The following SNED1 variants were observed in gnomAD, a reference collection of about 807,000 sequenced individuals.
SNED1 encodes the protein sushi, nidogen and EGF-like domain-containing protein 1.
SNED1 carries 81 observed loss-of-function variants against 166.7 expected under a neutral mutation model. The ratio of observed to expected loss-of-function variants is 0.49; its 90% CI spans 0.41 to 0.58. SNED1 has a LOEUF of 0.58. Among genes scored for constraint, SNED1 ranks in the 20% least tolerant of loss-of-function variants. The pLI, the probability that SNED1 is intolerant of heterozygous loss-of-function variation, is 0.00. For missense variants in SNED1, 1,604 were observed against 2,000.2 expected, an observed-to-expected ratio of 0.80 and a Z score of 3.78; for synonymous variants, 762 against 822.0, an observed-to-expected ratio of 0.93 and a Z score of 1.25.
intron 8 of SNED1, among the ~76,000 whole-genome samples, chr2:241,043,709 A>G (rs999215199): frequency 4.6e-5 from 7 of 152,268 alleles, no homozygotes; most frequent in African/African-American, 1.7e-4. Context: ...CAAGCTGTGC[A>G]AACTTTTTCT....
At position 241,067,896 on chromosome 2, in the gene SNED1, T is replaced by G. The variant is rs2062529365; in HGVS notation, c.3143T>G (p.Leu1048Arg). Reference sequence around the variant, plus strand: ...GTGTCCATCCGCCACCCTGAGGCCCTCAGGGACCAGGCCACCGATGTGGAC... The same window carrying G: ...GTGTCCATCCGCCACCCTGAGGCCCGCAGGGACCAGGCCACCGATGTGGAC... ...VRVSIRHPEA[L>R]RDQATDVDRS... Residue 1048 changes from leucine (L) to arginine (R), a missense_variant, in exon 22 of 32, where the codon CTC becomes CGC. Physicochemically the swap from Leu to Arg is moderately radical, Grantham distance 102 (BLOSUM62 -2). Coordinates refer to ENST00000310397, the MANE Select transcript of SNED1 (RefSeq NM_001080437.3). 1 of 1,613,384 alleles carries G rather than the reference T, an allele frequency of 6.2e-7. No individual in the cohort carries two copies. The highest frequency in any genetic ancestry group is 2.2e-5 in the East Asian group (1 of 44,862).
At position 241,073,482 on chromosome 2, in the gene SNED1, G is replaced by C; in HGVS notation, c.3916+118G>C. 5.9e-6 allele frequency: 5 copies of C among 841,448 alleles called. No individual in the cohort carries two copies. Among genetic ancestry groups the C allele is most frequent in the Non-Finnish European group, 9.9e-6 (5 of 505,182 alleles). 52.1% of individuals were successfully genotyped at this position (841,448 alleles called of 1,614,324 possible). A position where few individuals can be genotyped will look rare whatever the true frequency, so the allele number is the denominator to read the frequency against. ...GAATCAGGAGGCACAGAGCCTACCTGAGGGGAGGCTGAGCACCAGGCACCC... is the reference window on the plus strand; with the variant it reads ...GAATCAGGAGGCACAGAGCCTACCTCAGGGGAGGCTGAGCACCAGGCACCC... On this transcript the variant is annotated intron_variant, in intron 27 of 31. Transcript: ENST00000310397. This position sits in a 1 kb window ranked among gnomAD's most constrained non-coding sequence, Gnocchi z 6.6.
intron 16 of SNED1, among the ~76,000 whole-genome samples, chr2:241,054,441 T>G (rs2061983230): frequency 6.6e-6 from 1 of 152,180 alleles, no homozygotes; most frequent in African/African-American, 2.4e-5. Flanking sequence ...TGGTGGCACA[T>G]GCCTGTAGTC....
At chr2:241,049,954 C>A in intron 12 of SNED1, 21 bp downstream of exon 12, 4 of 1,588,318 alleles carry the variant, frequency 2.5e-6, no homozygotes, top group Non-Finnish European at 3.5e-6. Context: ...CAGGGGCGTC[C>A]GGGCCGGCGT....
chr2:241,001,048 C>G (rs575026890), intron 1 of SNED1, among the ~76,000 whole-genome samples: 1 of 152,202 alleles, frequency 6.6e-6, no homozygotes, highest in Non-Finnish European at 1.5e-5. Context: ...CCACCCAGGC[C>G]GAGCGGACCC....
chr2:241,073,407 G>A lies in SNED1; in HGVS notation c.3916+43G>A, dbSNP rs1485604329. Reference sequence around the variant, plus strand: ...GTGGGGACTTTGGGACTGACTGACTGCTCTCAGGGGCCTTAGAGGCTGCAG... The same window carrying A: ...GTGGGGACTTTGGGACTGACTGACTACTCTCAGGGGCCTTAGAGGCTGCAG... On this transcript the variant is annotated intron_variant, in intron 27 of 31. Transcript: ENST00000310397. This position sits in a 1 kb window ranked among gnomAD's most constrained non-coding sequence, Gnocchi z 6.6. 2.0e-6 allele frequency: 3 copies of A among 1,471,760 alleles called. No individual in the cohort carries two copies. The highest frequency in any genetic ancestry group is 2.0e-5 in the Admixed American group (1 of 50,904). 91.2% of individuals were successfully genotyped at this position (1,471,760 alleles called of 1,614,324 possible).
intron 16 of SNED1, among the ~76,000 whole-genome samples, chr2:241,053,848 C>G (rs557396948): frequency 6.6e-6 from 1 of 152,302 alleles, no homozygotes; most frequent in African/African-American, 2.4e-5. Flanking sequence ...GACCGAAGCC[C>G]CTGGAGAAGT....
At chr2:241,086,682 A>T (rs2063595423) in intron 29 of SNED1, among the ~76,000 whole-genome samples, 1 of 152,238 alleles carries the variant, frequency 6.6e-6, no homozygotes. Context: ...GTCTTACCAC[A>T]GGTTTTCGAT....
At position 241,071,712 on chromosome 2, in the gene SNED1, GCC is replaced by G; in HGVS notation, c.3731_3732del (p.Pro1244GlnfsTer54). ...DHSAPETPTQ[P>X]PRFSELVDGR... ...ACAGCGCCCCCGAGACCCCCACCCA[GCC>G]CCCCAGGTACATGCCCCACCCATCG... On this transcript the variant is annotated frameshift_variant, in exon 25 of 32. Coordinates refer to ENST00000310397, the MANE Select transcript of SNED1 (RefSeq NM_001080437.3). LOFTEE classifies it high-confidence loss of function. The G allele has an allele frequency of 1.1e-6, 1 of 903,718 alleles. No homozygotes were observed. Among genetic ancestry groups the G allele is most frequent in the Non-Finnish European group, 1.6e-6 (1 of 637,148 alleles). The allele number at this position is 903,718 out of a possible 1,614,324, so 56.0% of individuals were successfully genotyped here. A position where few individuals can be genotyped will look rare whatever the true frequency, so the allele number is the denominator to read the frequency against.
Position 241,071,881 on chromosome 2 carries a change from G to A in SNED1, c.3817+3G>A, listed in dbSNP as rs763942089. ...CAAAGCAGCCACCGTGAGATCACGT[G>A]AGTGCCAGGGCCTCCCCACCCACCT... is the stretch of plus-strand genomic sequence containing the variant. On this transcript the variant is annotated splice_donor_region_variant and intron_variant, in intron 26 of 31. Coordinates refer to ENST00000310397, the MANE Select transcript of SNED1 (RefSeq NM_001080437.3). The A allele has an allele frequency of 1.4e-5, 23 of 1,596,100 alleles. No homozygotes were observed. The South Asian group carries it at 2.2e-4, about 15-fold the overall frequency.
At chr2:241,033,222 T>G (rs2061241973) in intron 2 of SNED1, among the ~76,000 whole-genome samples, 1 of 152,226 alleles carries the variant, frequency 6.6e-6, no homozygotes, top group Non-Finnish European at 1.5e-5. Flanking sequence ...CCAAGATCAT[T>G]TCTTAAACAG....
intron 16 of SNED1, among the ~76,000 whole-genome samples, chr2:241,061,789 G>A (rs1389187413): frequency 6.6e-6 from 1 of 151,216 alleles, no homozygotes; most frequent in Non-Finnish European, 1.5e-5. Flanking sequence ...GGAGGCGGAG[G>A]TTGTGGTGAG....
At chr2:241,030,601 T>C (rs1574927271) in intron 2 of SNED1, 30 bp downstream of exon 2, 1 of 1,606,054 alleles carries the variant, frequency 6.2e-7, no homozygotes. Flanking sequence ...CTGGGGAGGG[T>C]GGGTGTGTGG....
At chr2:241,015,591 T>G (rs2060553282) in intron 1 of SNED1, 1 of 153,604 alleles carries the variant, frequency 6.5e-6, no homozygotes, top group Non-Finnish European at 1.4e-5. Flanking sequence ...TGACACATTT[T>G]TGTGTCTTCC....
chr2:241,064,040 C>A lies in SNED1; in HGVS notation c.2514C>A (p.Cys838Ter). Reference protein sequence around the residue: ...TEVDACDSSPCQHGGRCESGG... With the variant: ...TEVDACDSSP ...TGGACGCCTGCGACTCCAGCCCCTG[C>A]CAGCATGGAGGCCGGTGTGAGAGCG... The change falls in exon 19 of 32, where the codon TGC (cysteine) becomes TGA (stop). Residue 838 changes from cysteine (C) to a stop codon, truncating the protein, a stop_gained. Transcript: ENST00000310397. LOFTEE classifies it high-confidence loss of function. This position sits in a 1 kb window ranked among gnomAD's most constrained non-coding sequence, Gnocchi z 7.0. 6.4e-7 allele frequency: 1 copy of A among 1,561,058 alleles called. No individual in the cohort carries two copies. Among genetic ancestry groups the A allele is most frequent in the Admixed American group, 1.9e-5 (1 of 52,504 alleles).
intron 30 of SNED1, chr2:241,088,049 C>T (rs1026191199): frequency 9.1e-6 from 4 of 438,894 alleles, no homozygotes; most frequent in African/African-American, 2.0e-5. Context: ...CCGTGCTGCT[C>T]GGCCTGTGCA....
At chr2:241,016,916 A>G (rs2060614267) in intron 1 of SNED1, among the ~76,000 whole-genome samples, 1 of 147,878 alleles carries the variant, frequency 6.8e-6, no homozygotes, top group Non-Finnish European at 1.5e-5. Flanking sequence ...TCAATGGCAC[A>G]ATCTCGGCTC....
chr2:241,046,747 T>C (rs927551668), intron 8 of SNED1, among the ~76,000 whole-genome samples: 5 of 152,218 alleles, frequency 3.3e-5, no homozygotes, highest in African/African-American at 1.2e-4. Context: ...AATCTATATA[T>C]GTGTTAAAAT....
chr2:241,051,121 G>C lies in SNED1; in HGVS notation c.1736-623G>C, dbSNP rs2061824881. On this transcript the variant is annotated intron_variant, in intron 12 of 31. Transcript: ENST00000310397. The surrounding 1 kb of genome is among the most constrained non-coding windows in gnomAD (Gnocchi z 4.7). ...TGGGGCAGGCCCCTCCCGCCACTCA[G>C]AACACCCAGGGGTCCAAGGATTCGG... 6.6e-6 allele frequency among the ~76,000 whole-genome samples: 1 copy of C among 152,250 alleles called. No homozygotes were observed.
Sources: gnomAD v4.1 joint callset for allele counts (sites outside exome capture counted in the v4.1 genomes callset) on GRCh38, gnomAD v4.1.1 for gene constraint, Gnocchi (gnomAD v3.1) non-coding constraint, MANE v1.5 for transcripts, NCBI Gene and HGNC (gene_info 2026-07-23, HGNC 2026-07-21) for gene names.